Variants in LRFN2 observed in about 807,000 individuals in gnomAD.
LRFN2 encodes leucine-rich repeat and fibronectin type-III domain-containing protein 2.
Under a neutral mutation model 37.3 loss-of-function variants are expected in LRFN2, and 18 were observed. The observed-to-expected ratio is 0.48, with a 90% CI of 0.33 to 0.72. The LOEUF (loss-of-function observed/expected upper bound fraction) is 0.72, where lower values mean the gene tolerates loss of function less well. Among genes scored for constraint, LRFN2 ranks in the 30% least tolerant of loss-of-function variants. The pLI is 0.02. For missense variants in LRFN2, 1,006 were observed against 1,060.7 expected, an observed-to-expected ratio of 0.95 and a Z score of 0.72; for synonymous variants, 556 against 466.6, an observed-to-expected ratio of 1.19 and a Z score of -2.47.
At chr6:40,486,112 C>A (rs557077000) in intron 1 of LRFN2, among the ~76,000 whole-genome samples, 7 of 152,170 alleles carry the variant, frequency 4.6e-5, no homozygotes, top group Non-Finnish European at 1.0e-4. Flanking sequence ...CAGGGGCATA[C>A]ATTTTTTGGC....
intron 1 of LRFN2, among the ~76,000 whole-genome samples, chr6:40,546,142 GA>G (rs1766655557): frequency 6.6e-6 from 1 of 152,102 alleles, no homozygotes; most frequent in Non-Finnish European, 1.5e-5. Context: ...CGGGCTGAGA[GA>G]GGGGAGGTAA....
intron 1 of LRFN2, among the ~76,000 whole-genome samples, chr6:40,437,927 G>T (rs938552847): frequency 2.0e-5 from 3 of 152,204 alleles, no homozygotes; most frequent in South Asian, 2.1e-4. Flanking sequence ...TGGCAATTAG[G>T]GAAAAGGGCT....
At chr6:40,472,963 C>T (rs1460409493) in intron 1 of LRFN2, among the ~76,000 whole-genome samples, 4 of 152,180 alleles carry the variant, frequency 2.6e-5, no homozygotes, top group Admixed American at 6.5e-5. Flanking sequence ...TCCTGAACCA[C>T]CTGTTTCTCT....
At chr6:40,524,392 G>A (rs1282456755) in intron 1 of LRFN2, among the ~76,000 whole-genome samples, 3 of 86,674 alleles carry the variant, frequency 3.5e-5, no homozygotes, top group Admixed American at 1.4e-4. Flanking sequence ...CCCCACCCCC[G>A]ACCCGCCACA....
chr6:40,467,363 C>A (rs747519333), intron 1 of LRFN2, among the ~76,000 whole-genome samples: 1 of 152,092 alleles, frequency 6.6e-6, no homozygotes, highest in Non-Finnish European at 1.5e-5. Flanking sequence ...TCCTTGGAGG[C>A]TGGACTCAGC....
intron 1 of LRFN2, among the ~76,000 whole-genome samples, chr6:40,547,850 C>G (rs1317216091): frequency 6.6e-6 from 1 of 152,178 alleles, no homozygotes; most frequent in Non-Finnish European, 1.5e-5. Context: ...GGGGAGGTAA[C>G]AGCCTCCCAG....
At chr6:40,539,826 G>A (rs1223545483) in intron 1 of LRFN2, among the ~76,000 whole-genome samples, 1 of 152,140 alleles carries the variant, frequency 6.6e-6, no homozygotes, top group East Asian at 1.9e-4. Context: ...TTTGATCTTG[G>A]TCCCTGCCCT....
intron 1 of LRFN2, among the ~76,000 whole-genome samples, chr6:40,486,484 G>A (rs1489158725): frequency 2.0e-5 from 3 of 152,144 alleles, no homozygotes; most frequent in African/African-American, 7.2e-5. Context: ...TTCTTTCAGG[G>A]TTATGATGGG....
At chr6:40,473,419 GC>G (rs368361100) in intron 1 of LRFN2, among the ~76,000 whole-genome samples, 2 of 152,090 alleles carry the variant, frequency 1.3e-5, no homozygotes, top group African/African-American at 4.8e-5. Context: ...ATGTGACATA[GC>G]CCCCCAGGCC....
In LRFN2 at chr6:40,392,559, G is replaced by C. The variant is rs765272532; in HGVS notation, c.1754C>G (p.Pro585Arg). ...VYSQTNGAQP[P>R]PPSSAPAGAP... ...CCCGGCTGGTGCGCTGCTTGGAGGC[G>C]GTGGCTGGGCGCCGTTGGTCTGCGA... The change falls in exon 3 of 3, where the codon CCG (proline) becomes CGG (arginine). Residue 585 changes from proline to arginine, a missense_variant. Around this residue, in one of 4 missense-constraint regions of LRFN2, gnomAD observed 398 missense variants for 327.6 expected, o/e 1.21. Coordinates refer to ENST00000338305, the MANE Select transcript of LRFN2 (RefSeq NM_020737.3). The surrounding 1 kb of genome is among the most constrained non-coding windows in gnomAD (Gnocchi z 4.7). 8 of 1,601,026 alleles carry C rather than the reference G, an allele frequency of 5.0e-6. No homozygotes were observed. In the Admixed American group the frequency reaches 6.7e-5, roughly 13 times the overall value.
At chr6:40,489,688 T>C (rs1414097342) in intron 1 of LRFN2, among the ~76,000 whole-genome samples, 2 of 152,056 alleles carry the variant, frequency 1.3e-5, no homozygotes, top group Non-Finnish European at 2.9e-5. Context: ...AAGGGAACTG[T>C]CCTTACCCAC....
intron 1 of LRFN2, among the ~76,000 whole-genome samples, chr6:40,565,308 C>T (rs1767068422): frequency 1.3e-5 from 2 of 152,076 alleles, no homozygotes; most frequent in Non-Finnish European, 1.5e-5. Context: ...GGCCATACTG[C>T]CCAAGGTAAT....
chr6:40,504,279 C>A (rs1765469549), intron 1 of LRFN2, among the ~76,000 whole-genome samples: 1 of 152,198 alleles, frequency 6.6e-6, no homozygotes, highest in African/African-American at 2.4e-5. Context: ...GGGAAAGTTA[C>A]TTAACTTCTC....
chr6:40,540,659 G>A (rs371407642), intron 1 of LRFN2, among the ~76,000 whole-genome samples: 8 of 152,302 alleles, frequency 5.3e-5, no homozygotes, highest in African/African-American at 1.4e-4. Context: ...ACACAATGGG[G>A]TTTTCATTAT....
intron 1 of LRFN2, among the ~76,000 whole-genome samples, chr6:40,583,648 C>T (rs1393218512): frequency 2.0e-5 from 3 of 152,192 alleles, no homozygotes; most frequent in Non-Finnish European, 4.4e-5. Flanking sequence ...CTTCCAACAA[C>T]CCTGGGGGAT....
intron 1 of LRFN2, among the ~76,000 whole-genome samples, chr6:40,450,760 C>T (rs569869555): frequency 2.8e-4 from 43 of 152,346 alleles, no homozygotes; most frequent in African/African-American, 8.2e-4. Flanking sequence ...AACAAATTTT[C>T]ACTGGCCTCC....
chr6:40,401,056 C>A (rs565202096), intron 2 of LRFN2, among the ~76,000 whole-genome samples: 1 of 147,054 alleles, frequency 6.8e-6, no homozygotes, highest in Non-Finnish European at 1.5e-5. Context: ...TCCTATGTGA[C>A]CTCTCTCTGT....
chr6:40,547,319 G>C (rs1279138511), intron 1 of LRFN2, among the ~76,000 whole-genome samples: 1 of 152,146 alleles, frequency 6.6e-6, no homozygotes, highest in East Asian at 1.9e-4. Context: ...TGGCCAGGCC[G>C]GTCTCGAACT....
intron 1 of LRFN2, among the ~76,000 whole-genome samples, chr6:40,559,973 AC>A: frequency 6.6e-6 from 1 of 151,576 alleles, no homozygotes; most frequent in Non-Finnish European, 1.5e-5. Flanking sequence ...GCGAGTTCTA[AC>A]CATCTGCCCA....
Sources: allele counts gnomAD v4.1 joint callset (sites outside exome capture counted in the v4.1 genomes callset), GRCh38; gene constraint gnomAD v4.1.1; regional missense constraint gnomAD v4.1.1; non-coding constraint Gnocchi (gnomAD v3.1); transcripts MANE v1.5; gene names NCBI Gene and HGNC (gene_info 2026-07-23, HGNC 2026-07-21).